Variants in SAXO2 observed in about 807,000 individuals in gnomAD.
SAXO2 encodes stabilizer of axonemal microtubules 2.
In SAXO2, 17 loss-of-function variants were observed where a neutral mutation model predicts 18.7. That is an observed-to-expected ratio of 0.91 (90% CI 0.62 to 1.36). The LOEUF (loss-of-function observed/expected upper bound fraction) is 1.36. Among genes scored for constraint, SAXO2 ranks in the 40% most tolerant of loss-of-function variants. SAXO2 has a pLI of 0.00. For synonymous variants in SAXO2, 163 were observed against 181.2 expected, an observed-to-expected ratio of 0.90 and a Z score of 0.81; for missense variants, 486 against 562.6, an observed-to-expected ratio of 0.86 and a Z score of 1.38.
chr15:82,282,138 C>A lies in SAXO2; in HGVS notation c.453C>A (p.Asp151Glu). The A allele has an allele frequency of 6.2e-7, 1 of 1,610,814 alleles. No individual in the cohort carries two copies. The highest frequency in any genetic ancestry group is 8.5e-7 in the Non-Finnish European group (1 of 1,178,888). ...PTYKDDYRAW[D>E]LHKSELYKPE... ...TTCAAGACGATTATAGAGCTTGGGA[C>A]CTTCATAAAAGTGAACTTTATAAGC... Residue 151 changes from aspartate (D) to glutamate (E), a missense_variant, in exon 4 of 4, where the codon GAC (aspartate) becomes GAA (glutamate). Transcript: ENST00000682753.
rs1385096305 is a variant in SAXO2 at position 82,282,406 on chromosome 15, C to A, written c.721C>A (p.Leu241Ile). 5.6e-6 allele frequency: 9 copies of A among 1,614,160 alleles called. No individual in the cohort carries two copies. The highest frequency in any genetic ancestry group is 7.6e-6 in the Non-Finnish European group (9 of 1,180,010). Reference sequence around the variant, plus strand: ...ACCAACTGACCAACGCTTTGAGGATCTCACAACTCACCGGTGTGACTTTCA... The same window carrying A: ...ACCAACTGACCAACGCTTTGAGGATATCACAACTCACCGGTGTGACTTTCA... ...YKPTDQRFED[L>I]TTHRCDFQGL... The change falls in exon 4 of 4, where the codon CTC becomes ATC. Residue 241 changes from leucine to isoleucine, a missense_variant. Coordinates refer to ENST00000682753, the MANE Select transcript of SAXO2 (RefSeq NM_001348699.2).
At position 82,277,354 on chromosome 15, in the gene SAXO2, G is replaced by T. The variant is rs187279910; in HGVS notation, c.434-4765G>T. 1.5e-3 allele frequency among the ~76,000 whole-genome samples: 232 copies of T among 152,024 alleles called. 1 individual carries two copies. Among genetic ancestry groups the T allele is most frequent in the African/African-American group, 5.2e-3 (214 of 41,472 alleles). ...AGATTGATTTTTCACACATTAAAAA[G>T]ATATTATTTTAAAAAATATGCCAAT... On this transcript the variant is annotated intron_variant, in intron 3 of 3. Coordinates refer to ENST00000682753, the MANE Select transcript of SAXO2 (RefSeq NM_001348699.2).
chr15:82,263,279 T>G (rs561771793), intron 1 of SAXO2: 257 of 1,353,522 alleles, frequency 1.9e-4, no homozygotes, highest in East Asian at 8.0e-4. Context: ...CACCCCATAA[T>G]CCCCCACCAC....
chr15:82,281,240 T>C (rs1219784794), intron 3 of SAXO2, among the ~76,000 whole-genome samples: 1 of 152,204 alleles, frequency 6.6e-6, no homozygotes, highest in African/African-American at 2.4e-5. Flanking sequence ...ATATAAACAT[T>C]TCAGTTTTAG....
chr15:82,264,528 G>A, intron 1 of SAXO2: 1 of 621,562 alleles, frequency 1.6e-6, no homozygotes, highest in Non-Finnish European at 2.9e-6. Context: ...ATGATATATT[G>A]GTCAAGGTTC....
intron 3 of SAXO2, among the ~76,000 whole-genome samples, chr15:82,277,300 A>G (rs974153271): frequency 1.3e-5 from 2 of 152,202 alleles, no homozygotes; most frequent in African/African-American, 4.8e-5. Context: ...TTAAGTGTAA[A>G]TGAACAAAAT....
chr15:82,272,568 G>A (rs140661946), intron 3 of SAXO2, among the ~76,000 whole-genome samples: 490 of 152,246 alleles, frequency 3.2e-3, no homozygotes, highest in Non-Finnish European at 4.4e-3. Context: ...TTGTGACAGA[G>A]TCTCGTTCTG....
At chr15:82,269,688 A>G (rs1596028971) in intron 2 of SAXO2, among the ~76,000 whole-genome samples, 1 of 152,202 alleles carries the variant, frequency 6.6e-6, no homozygotes, top group South Asian at 2.1e-4. Flanking sequence ...GAATTACTTC[A>G]GGTGCCATGT....
rs1429411861 is a variant in SAXO2, at chr15:82,282,106, T to C, written c.434-13T>C. On this transcript the variant is annotated splice_polypyrimidine_tract_variant and intron_variant, in intron 3 of 3. Coordinates refer to ENST00000682753, the MANE Select transcript of SAXO2 (RefSeq NM_001348699.2). ...GCATTTAAAAATGTTTTTGCTTTGT[T>C]TTAATTTTCAAGACGATTATAGAGC... 1.3e-6 allele frequency: 2 copies of C among 1,560,818 alleles called. No homozygotes were observed. Among genetic ancestry groups the C allele is most frequent in the African/African-American group, 2.8e-5 (2 of 72,166 alleles).
chr15:82,282,102 T>G lies in SAXO2; in HGVS notation c.434-17T>G. ...TTCAGCATTTAAAAATGTTTTTGCT[T>G]TGTTTTAATTTTCAAGACGATTATA... On this transcript the variant is annotated splice_polypyrimidine_tract_variant and intron_variant, in intron 3 of 3. Coordinates refer to ENST00000682753, the MANE Select transcript of SAXO2 (RefSeq NM_001348699.2). 1 of 1,554,076 alleles carries G rather than the reference T, an allele frequency of 6.4e-7. No individual in the cohort carries two copies. Among genetic ancestry groups the G allele is most frequent in the Non-Finnish European group, 8.7e-7 (1 of 1,153,386 alleles).
intron 2 of SAXO2, among the ~76,000 whole-genome samples, chr15:82,266,145 C>CAA (rs67665037): frequency 0.023 from 3,503 of 149,296 alleles, 40 homozygotes; most frequent in Non-Finnish European, 0.027. Context: ...TAAACAACAA[C>CAA]AAAAAAAAAA....
In SAXO2 at chr15:82,271,675, G is replaced by A. The variant is rs553605406; in HGVS notation, c.306G>A (p.Gly102=). 6.2e-7 allele frequency: 1 copy of A among 1,613,956 alleles called. No individual in the cohort carries two copies. The highest frequency in any genetic ancestry group is 2.2e-5 in the East Asian group (1 of 44,868). ...HVPEEYKPKQ[G]KIDLGTTYKR... ...CAGAAGAATATAAACCAAAACAAGG[G>A]AAGATTGATCTTGGTACTACCTACA... The change falls in exon 3 of 4, where the codon GGG becomes GGA. Residue 102 remains glycine (G), a synonymous_variant. Transcript: ENST00000682753.
intron 1 of SAXO2, chr15:82,263,578 T>C (rs1192429941): frequency 5.0e-6 from 3 of 604,400 alleles, no homozygotes; most frequent in East Asian, 2.8e-5. Flanking sequence ...TAAGTAAATA[T>C]GAACGTTGTC....
chr15:82,271,914 C>A, intron 3 of SAXO2, 112 bp downstream of exon 3: 1 of 867,018 alleles, frequency 1.2e-6, no homozygotes, highest in Non-Finnish European at 1.8e-6. Context: ...GCCTCCATGG[C>A]TTAGGAAAGA....
chr15:82,280,222 T>C (rs941061369), intron 3 of SAXO2, among the ~76,000 whole-genome samples: 16 of 152,132 alleles, frequency 1.1e-4, no homozygotes, highest in African/African-American at 2.9e-4. Flanking sequence ...TTCATACTAT[T>C]GTATGCTATC....
At chr15:82,265,959 T>C (rs1349460026) in intron 2 of SAXO2, among the ~76,000 whole-genome samples, 1 of 151,704 alleles carries the variant, frequency 6.6e-6, no homozygotes. Flanking sequence ...AAAAAAGGGA[T>C]ATAAAAAGTT....
At chr15:82,267,109 G>C (rs2075225952) in intron 2 of SAXO2, among the ~76,000 whole-genome samples, 1 of 152,162 alleles carries the variant, frequency 6.6e-6, no homozygotes, top group Non-Finnish European at 1.5e-5. Flanking sequence ...AGTTAATTTA[G>C]AAAGTTTATT....
chr15:82,263,581 A>G, intron 1 of SAXO2: 1 of 603,380 alleles, frequency 1.7e-6, no homozygotes, highest in Non-Finnish European at 3.0e-6. Context: ...GTAAATATGA[A>G]CGTTGTCAAT....
At chr15:82,275,701 A>G (rs2075309394) in intron 3 of SAXO2, among the ~76,000 whole-genome samples, 1 of 152,346 alleles carries the variant, frequency 6.6e-6, no homozygotes, top group Middle Eastern at 3.4e-3. Context: ...GTAGATGCAG[A>G]AAAAGCATTT....
Sources: gnomAD v4.1 joint callset for allele counts (sites outside exome capture counted in the v4.1 genomes callset) on GRCh38, gnomAD v4.1.1 for gene constraint, MANE v1.5 for transcripts, NCBI Gene and HGNC (gene_info 2026-07-23, HGNC 2026-07-21) for gene names.